Variants in ANKS1B observed in about 807,000 individuals in gnomAD.
The protein encoded by ANKS1B is ankyrin repeat and sterile alpha motif domain containing 1B, also known as ankyrin repeat and sterile alpha motif domain-containing protein 1B.
ANKS1B carries 36 observed loss-of-function variants against 148.3 expected under a neutral mutation model. The observed-to-expected ratio is 0.24, with a 90% CI of 0.19 to 0.32. The LOEUF is 0.32. Among genes scored for constraint, ANKS1B ranks in the 10% least tolerant of loss-of-function variants. ANKS1B has a pLI of 1.00. For synonymous variants in ANKS1B, 542 were observed against 560.8 expected (o/e 0.97, Z 0.47); for missense variants, 1,157 against 1,542.6 (o/e 0.75, Z 4.19).
intron 20 of ANKS1B, among the ~76,000 whole-genome samples, chr12:98,806,245 C>T (rs549390226): frequency 1.3e-5 from 2 of 152,304 alleles, no homozygotes; most frequent in East Asian, 1.9e-4. Flanking sequence ...ATGCTTACAA[C>T]TTACTTTTCT....
chr12:99,094,956 G>A (rs1476451198), intron 15 of ANKS1B, among the ~76,000 whole-genome samples: 1 of 151,796 alleles, frequency 6.6e-6, no homozygotes, highest in Non-Finnish European at 1.5e-5. Context: ...TAACAGCCTA[G>A]AAACATAAAT....
chr12:99,696,783 T>C (rs1039781558), intron 8 of ANKS1B, among the ~76,000 whole-genome samples: 1 of 152,176 alleles, frequency 6.6e-6, no homozygotes, highest in African/African-American at 2.4e-5. Flanking sequence ...CTTAAGAGAA[T>C]GAAAGGACAA....
At chr12:99,465,266 C>A (rs1365058136) in intron 10 of ANKS1B, among the ~76,000 whole-genome samples, 5 of 152,134 alleles carry the variant, frequency 3.3e-5, no homozygotes, top group Admixed American at 6.5e-5. Flanking sequence ...ACCACCAGGC[C>A]TGCCCTAAAA....
Position 98,962,505 on chromosome 12 carries a change from G to A in ANKS1B, c.2778+90652C>T, listed in dbSNP as rs530304448. 8.0e-4 allele frequency among the ~76,000 whole-genome samples: 122 copies of A among 151,934 alleles called. 1 individual carries two copies. The Middle Eastern group carries it at 0.031, about 38-fold the overall frequency. On this transcript the variant is annotated intron_variant, in intron 17 of 26. Coordinates refer to ENST00000683438, the MANE Select transcript of ANKS1B (RefSeq NM_001352186.2). The stretch of plus-strand genomic sequence containing the variant: ...ATAGACCTGAATACAATAATAGCTG[G>A]AGACTTCAACAGTTTCAGCATTGAA...
At chr12:98,893,925 C>T (rs754532981) in intron 17 of ANKS1B, among the ~76,000 whole-genome samples, 6 of 152,182 alleles carry the variant, frequency 3.9e-5, no homozygotes, top group Non-Finnish European at 2.9e-5. Flanking sequence ...AACACAGGAC[C>T]TTGTTTGGCT....
At chr12:99,191,058 C>T (rs976328223) in intron 14 of ANKS1B, among the ~76,000 whole-genome samples, 5 of 151,646 alleles carry the variant, frequency 3.3e-5, no homozygotes, top group African/African-American at 1.2e-4. Context: ...AGACACTTCC[C>T]TAAATAAGAC....
rs577938943 is a variant in ANKS1B at position 99,909,506 on chromosome 12, T to C, written c.134+74598A>G. Among the ~76,000 whole-genome samples, 8 of 152,304 alleles carry C rather than the reference T, an allele frequency of 5.3e-5. No individual in the cohort carries two copies. In the East Asian group the frequency reaches 1.5e-3, roughly 29 times the overall value. On this transcript the variant is annotated intron_variant, in intron 1 of 26. Transcript: ENST00000683438. Reference sequence around the variant, plus strand: ...TCCATAGTGGCTGCACTAATTTACATACAAAAGTTTCCTTTCCTCCACAGT... The same window carrying C: ...TCCATAGTGGCTGCACTAATTTACACACAAAAGTTTCCTTTCCTCCACAGT...
chr12:99,105,599 T>A (rs1207146487), intron 15 of ANKS1B, among the ~76,000 whole-genome samples: 1 of 151,658 alleles, frequency 6.6e-6, no homozygotes, highest in Non-Finnish European at 1.5e-5. Flanking sequence ...AAACCCCATC[T>A]CTACTAAAAA....
chr12:98,932,157 C>T (rs2099814254), intron 17 of ANKS1B, among the ~76,000 whole-genome samples: 1 of 152,146 alleles, frequency 6.6e-6, no homozygotes, highest in Non-Finnish European at 1.5e-5. Context: ...ACAACAAGCT[C>T]CTTCTGGTTC....
At chr12:99,695,777 C>T (rs2053807942) in intron 8 of ANKS1B, among the ~76,000 whole-genome samples, 1 of 152,120 alleles carries the variant, frequency 6.6e-6, no homozygotes, top group African/African-American at 2.4e-5. Context: ...CTAATGCATG[C>T]AGGGCTTAAT....
intron 6 of ANKS1B, among the ~76,000 whole-genome samples, chr12:99,777,069 T>C (rs1038611101): frequency 6.6e-6 from 1 of 152,264 alleles, no homozygotes; most frequent in African/African-American, 2.4e-5. Context: ...ATACAAAGCA[T>C]GTGTGCTATC....
intron 19 of ANKS1B, among the ~76,000 whole-genome samples, chr12:98,827,980 T>C (rs2099263962): frequency 1.3e-5 from 2 of 152,290 alleles, no homozygotes; most frequent in Non-Finnish European, 1.5e-5. Flanking sequence ...AGATGCCCTA[T>C]TTAAAAGAGC....
intron 12 of ANKS1B, among the ~76,000 whole-genome samples, chr12:99,318,062 T>C (rs1042871314): frequency 1.3e-5 from 2 of 152,188 alleles, no homozygotes; most frequent in Non-Finnish European, 2.9e-5. Flanking sequence ...CTGGATTTGG[T>C]TTGCCAGTAT....
At chr12:99,210,150 A>G (rs1275616956) in intron 14 of ANKS1B, among the ~76,000 whole-genome samples, 2 of 152,054 alleles carry the variant, frequency 1.3e-5, no homozygotes, top group Non-Finnish European at 2.9e-5. Flanking sequence ...TAACTCTTAT[A>G]TTTGGTGCCA....
In ANKS1B at chr12:99,984,255, C is replaced by G. The variant is rs2095750472; in HGVS notation, c.-18G>C. On this transcript the variant is annotated 5_prime_UTR_variant, in exon 1 of 27. Transcript: ENST00000683438. ...TTCCCCATAGTCTCTCACCGACTCCCCCACAGAGTCCTTGCCCCCCTCGGG... is the reference window on the plus strand; with the variant it reads ...TTCCCCATAGTCTCTCACCGACTCCGCCACAGAGTCCTTGCCCCCCTCGGG... 1 of 1,608,668 alleles carries G rather than the reference C, an allele frequency of 6.2e-7. No individual in the cohort carries two copies. Among genetic ancestry groups the G allele is most frequent in the Non-Finnish European group, 8.5e-7 (1 of 1,177,078 alleles).
intron 9 of ANKS1B, among the ~76,000 whole-genome samples, chr12:99,621,860 A>AACTG (rs149587080): frequency 1.3e-4 from 2 of 15,288 alleles, no homozygotes; most frequent in Admixed American, 1.9e-3. Flanking sequence ...TGAGGCAGAA[A>AACTG]ACAAAGAAAT....
intron 8 of ANKS1B, among the ~76,000 whole-genome samples, chr12:99,703,988 G>C (rs181705483): frequency 1.3e-5 from 2 of 152,042 alleles, no homozygotes; most frequent in Non-Finnish European, 2.9e-5. Context: ...AAATGATAGC[G>C]TATCAAGAAT....
intron 17 of ANKS1B, among the ~76,000 whole-genome samples, chr12:98,990,677 A>G (rs2099926114): frequency 1.3e-5 from 2 of 152,148 alleles, no homozygotes; most frequent in Admixed American, 1.3e-4. Context: ...GGAAAGAGGC[A>G]TGAGAAAGAA....
intron 17 of ANKS1B, among the ~76,000 whole-genome samples, chr12:99,006,928 G>A (rs2153393273): frequency 6.6e-6 from 1 of 152,224 alleles, no homozygotes; most frequent in East Asian, 1.9e-4. Context: ...CATCTATCAG[G>A]TAAGCTAACC....
Sources: gnomAD v4.1 joint callset for allele counts (sites outside exome capture counted in the v4.1 genomes callset) on GRCh38, gnomAD v4.1.1 for gene constraint, MANE v1.5 for transcripts, NCBI Gene and HGNC (gene_info 2026-07-23, HGNC 2026-07-21) for gene names.